The following SIK3 variants were observed in gnomAD, a reference collection of about 807,000 sequenced individuals.
SIK3 encodes serine/threonine-protein kinase SIK3.
SIK3 carries 28 observed loss-of-function variants against 144.2 expected under a neutral mutation model. The observed-to-expected ratio is 0.19, with a 90% CI of 0.14 to 0.27. The LOEUF is 0.27. Ranked by LOEUF, SIK3 falls within the 10% of genes least tolerant of loss-of-function variation. The probability of loss-of-function intolerance (pLI) is 1.00; values close to 1 mark genes in which losing one functional copy is unlikely to be tolerated. For missense variants in SIK3, 1,319 were observed against 1,776.0 expected, an observed-to-expected ratio of 0.74 and a Z score of 4.62; for synonymous variants, 686 against 676.3, an observed-to-expected ratio of 1.01 and a Z score of -0.22.
chr11:117,027,947 C>T (rs1952088806), intron 1 of SIK3, among the ~76,000 whole-genome samples: 1 of 152,206 alleles, frequency 6.6e-6, no homozygotes, highest in African/African-American at 2.4e-5. Flanking sequence ...TAATTCTCCT[C>T]TCACTTCGTT....
At position 117,059,183 on chromosome 11, in the gene SIK3, G is replaced by A. The variant is rs373758321; in HGVS notation, c.273+38960C>T. On this transcript the variant is annotated intron_variant, in intron 1 of 24. Coordinates refer to ENST00000445177, the MANE Select transcript of SIK3 (RefSeq NM_001366686.3). Reference sequence around the variant, plus strand: ...CAGAAATAAATTGCTACAGAGAAGTGGAAGAACAGATAGCTGGGAGAAGAA... The same window carrying A: ...CAGAAATAAATTGCTACAGAGAAGTAGAAGAACAGATAGCTGGGAGAAGAA... 2.6e-5 allele frequency among the ~76,000 whole-genome samples: 4 copies of A among 152,166 alleles called. No individual in the cohort carries two copies. The East Asian group carries it at 7.7e-4, about 29-fold the overall frequency.
At chr11:116,896,457 G>A in intron 5 of SIK3, 81 bp from the exon 6 acceptor site, 2 of 1,465,736 alleles carry the variant, frequency 1.4e-6, no homozygotes, top group Non-Finnish European at 1.9e-6. Context: ...GTATGCAGAT[G>A]ATGGTGAGTC....
intron 1 of SIK3, among the ~76,000 whole-genome samples, chr11:117,013,950 GT>G (rs1591536602): frequency 7.3e-5 from 3 of 40,986 alleles, no homozygotes; most frequent in Admixed American, 2.5e-4. Context: ...GTGTGTGTGT[GT>G]TTTATTTCTT....
Position 117,098,221 on chromosome 11 carries a change from G to A in SIK3, c.195C>T (p.Tyr65=). ...TGCCGATGGTGCGGTCGATCTCGTA[G>A]TAGCCGATACGGGCGGGCATGGGTC... ...SRGPMPARIG[Y]YEIDRTIGKG... Residue 65 remains tyrosine (Y), a synonymous_variant, in exon 1 of 25, where the codon TAC becomes TAT. Coordinates refer to ENST00000445177, the MANE Select transcript of SIK3 (RefSeq NM_001366686.3). 4 of 1,506,000 alleles carry A rather than the reference G, an allele frequency of 2.7e-6. No homozygotes were observed. The highest frequency in any genetic ancestry group is 2.3e-5 in the South Asian group (2 of 85,286). 93.3% of individuals were successfully genotyped at this position (1,506,000 alleles called of 1,614,324 possible).
At position 116,858,196 on chromosome 11, in the gene SIK3, C is replaced by T. The variant is rs769627045; in HGVS notation, c.3269G>A (p.Arg1090His). ...AGCATTTTGATAAGATAAAGCCTGG[C>T]GCTCTGTCATGCTCTGTCCCCCAAG... The part of the protein sequence containing the change: ...PSLGGQSMTE[R>H]QALSYQNADS... The change falls in exon 21 of 25, where the codon CGC (arginine) becomes CAC (histidine). Residue 1090 changes from arginine (R) to histidine (H), a missense_variant. Physicochemically the swap from Arg to His is conservative, Grantham distance 29. This residue lies in a region of SIK3 where 646 missense variants were observed against 763.7 expected (regional missense o/e 0.85). Transcript: ENST00000445177. This position sits in a 1 kb window ranked among gnomAD's most constrained non-coding sequence, Gnocchi z 5.4. The T allele has an allele frequency of 6.2e-6, 10 of 1,614,134 alleles. No homozygotes were observed. The highest frequency in any genetic ancestry group is 8.5e-6 in the Non-Finnish European group (10 of 1,180,022).
intron 1 of SIK3, among the ~76,000 whole-genome samples, chr11:117,054,364 G>A (rs937257093): frequency 2.0e-5 from 3 of 152,216 alleles, no homozygotes; most frequent in Non-Finnish European, 2.9e-5. Flanking sequence ...TGCATATACT[G>A]TAGGACCCAT....
chr11:117,091,942 C>G (rs1222348894), intron 1 of SIK3, among the ~76,000 whole-genome samples: 1 of 151,966 alleles, frequency 6.6e-6, no homozygotes, highest in Non-Finnish European at 1.5e-5. Flanking sequence ...ACCACCACAC[C>G]CAGCTAATTT....
chr11:116,847,354 G>T, intron 23 of SIK3, 122 bp downstream of exon 23: 1 of 1,357,330 alleles, frequency 7.4e-7, no homozygotes, highest in Non-Finnish European at 1.0e-6. Context: ...TCCAGAACCT[G>T]TGGGATGCTG....
At chr11:116,944,889 A>T (rs1948504245) in intron 3 of SIK3, among the ~76,000 whole-genome samples, 1 of 151,924 alleles carries the variant, frequency 6.6e-6, no homozygotes, top group African/African-American at 2.4e-5. Context: ...TTTTCATAAT[A>T]CCTCAGTTTT....
intron 21 of SIK3, among the ~76,000 whole-genome samples, chr11:116,853,376 T>C (rs1441151658): frequency 2.0e-5 from 3 of 152,170 alleles, no homozygotes; most frequent in Non-Finnish European, 1.5e-5. Flanking sequence ...ACCAAAGTCA[T>C]GGAGGAAAGA....
chr11:117,094,452 T>G (rs1014443662), intron 1 of SIK3, among the ~76,000 whole-genome samples: 4 of 151,712 alleles, frequency 2.6e-5, no homozygotes, highest in African/African-American at 9.7e-5. Context: ...CAAAAAAAAT[T>G]TAAAAATTAA....
intron 1 of SIK3, among the ~76,000 whole-genome samples, chr11:116,972,695 AC>A: frequency 6.6e-6 from 1 of 152,272 alleles, no homozygotes; most frequent in East Asian, 1.9e-4. Context: ...AAATATATAC[AC>A]CTACTATGTA....
At chr11:117,066,024 C>G (rs983923600) in intron 1 of SIK3, among the ~76,000 whole-genome samples, 1 of 151,698 alleles carries the variant, frequency 6.6e-6, no homozygotes, top group Non-Finnish European at 1.5e-5. Context: ...TGTCTTATGC[C>G]AAGGAATCCG....
At chr11:117,074,698 G>A (rs1212429524) in intron 1 of SIK3, among the ~76,000 whole-genome samples, 1 of 151,970 alleles carries the variant, frequency 6.6e-6, no homozygotes, top group African/African-American at 2.4e-5. Context: ...CCAGGCAGGA[G>A]GATTCCCTGA....
At chr11:116,946,381 G>A (rs1948589786) in intron 3 of SIK3, among the ~76,000 whole-genome samples, 1 of 152,158 alleles carries the variant, frequency 6.6e-6, no homozygotes, top group Non-Finnish European at 1.5e-5. Flanking sequence ...GGCACAGCAA[G>A]CAGCATGAAC....
At chr11:116,877,297 A>G (rs1944305605) in intron 6 of SIK3, among the ~76,000 whole-genome samples, 1 of 152,186 alleles carries the variant, frequency 6.6e-6, no homozygotes, top group Admixed American at 6.5e-5. Flanking sequence ...TGACCAGAAA[A>G]GGTCTGGGGA....
chr11:117,049,085 C>A (rs1189470150), intron 1 of SIK3, among the ~76,000 whole-genome samples: 1 of 151,930 alleles, frequency 6.6e-6, no homozygotes, highest in Non-Finnish European at 1.5e-5. Flanking sequence ...TGGGTTGTCA[C>A]TGGAGTGAGA....
chr11:116,945,717 A>T (rs1020654612), intron 3 of SIK3, among the ~76,000 whole-genome samples: 2 of 152,198 alleles, frequency 1.3e-5, no homozygotes, highest in African/African-American at 2.4e-5. Context: ...TGTCTGTCTT[A>T]TTCAATTTAC....
intron 6 of SIK3, among the ~76,000 whole-genome samples, chr11:116,894,866 C>T (rs1357676117): frequency 6.6e-6 from 1 of 152,216 alleles, no homozygotes; most frequent in Non-Finnish European, 1.5e-5. Context: ...TTGTAAAAGT[C>T]TCCTCCTAAC....
Sources: allele counts gnomAD v4.1 joint callset (sites outside exome capture counted in the v4.1 genomes callset), GRCh38; gene constraint gnomAD v4.1.1; regional missense constraint gnomAD v4.1.1; non-coding constraint Gnocchi (gnomAD v3.1); transcripts MANE v1.5; gene names NCBI Gene and HGNC (gene_info 2026-07-23, HGNC 2026-07-21).